The following FBXW7 variants were observed in gnomAD, a reference collection of about 807,000 sequenced individuals.
FBXW7 encodes F-box and WD repeat domain containing 7.
A neutral mutation model predicts 86.3 loss-of-function variants in FBXW7; 11 were observed. The ratio of observed to expected loss-of-function variants is 0.13; its 90% CI spans 0.08 to 0.21. The LOEUF (loss-of-function observed/expected upper bound fraction) is 0.21, where lower values mean the gene tolerates loss of function less well. FBXW7 is among the 10% of genes least tolerant of loss of function. FBXW7 has a pLI of 1.00. For synonymous variants in FBXW7, 313 were observed against 297.9 expected (o/e 1.05, Z -0.52); for missense variants, 488 against 847.4 (o/e 0.58, Z 5.27).
chr4:152,329,625 T>C, intron 10 of FBXW7, 47 bp downstream of exon 10: 2 of 934,496 alleles, frequency 2.1e-6, no homozygotes, highest in Non-Finnish European at 3.2e-6. Context: ...CTTGCAATGA[T>C]ATACACAAAA....
intron 4 of FBXW7, among the ~76,000 whole-genome samples, chr4:152,378,959 T>C (rs1165308337): frequency 6.6e-6 from 1 of 152,102 alleles, no homozygotes; most frequent in Non-Finnish European, 1.5e-5. Flanking sequence ...TAAGCCAAGA[T>C]GGCGCCACTA....
intron 2 of FBXW7, among the ~76,000 whole-genome samples, chr4:152,471,798 G>A (rs1364030888): frequency 6.6e-6 from 1 of 151,956 alleles, no homozygotes; most frequent in Admixed American, 6.6e-5. Flanking sequence ...TACTCAGAAG[G>A]CTGAAGCAGG....
chr4:152,458,314 C>A (rs535959449), intron 2 of FBXW7, among the ~76,000 whole-genome samples: 1 of 152,182 alleles, frequency 6.6e-6, no homozygotes, highest in Admixed American at 6.5e-5. Context: ...CCACCGCGCC[C>A]GGCCTAAAAT....
intron 2 of FBXW7, among the ~76,000 whole-genome samples, chr4:152,482,056 T>A (rs777187099): frequency 5.9e-4 from 90 of 152,178 alleles, no homozygotes; most frequent in Non-Finnish European, 1.2e-3. Context: ...AAATATTTCA[T>A]CAAAGAATAA....
chr4:152,487,256 T>A (rs1160067719), intron 2 of FBXW7, among the ~76,000 whole-genome samples: 1 of 152,080 alleles, frequency 6.6e-6, no homozygotes, highest in African/African-American at 2.4e-5. Context: ...CTCAAGGCAT[T>A]ACCCCACAGA....
chr4:152,397,447 C>T (rs1295337581), intron 4 of FBXW7, among the ~76,000 whole-genome samples: 2 of 151,752 alleles, frequency 1.3e-5, no homozygotes, highest in Admixed American at 6.6e-5. Context: ...CAGAGTCTCA[C>T]TCTGTCACCG....
intron 2 of FBXW7, among the ~76,000 whole-genome samples, chr4:152,491,844 C>A (rs1745888590): frequency 6.6e-6 from 1 of 152,186 alleles, no homozygotes; most frequent in South Asian, 2.1e-4. Flanking sequence ...ACACCTCCCA[C>A]TCCCTGTCAC....
At chr4:152,407,684 G>A (rs747139823) in intron 4 of FBXW7, among the ~76,000 whole-genome samples, 1 of 152,010 alleles carries the variant, frequency 6.6e-6, no homozygotes, top group South Asian at 2.1e-4. Flanking sequence ...AGGGTCTTAC[G>A]CCTCTAAACT....
At chr4:152,324,627 C>T in intron 12 of FBXW7, 1 of 438,978 alleles carries the variant, frequency 2.3e-6, no homozygotes, top group Non-Finnish European at 4.1e-6. Context: ...CAAGCAGCTT[C>T]AAACTAGATG....
chr4:152,423,421 T>C (rs1315935103), intron 2 of FBXW7, among the ~76,000 whole-genome samples: 2 of 152,202 alleles, frequency 1.3e-5, no homozygotes, highest in African/African-American at 4.8e-5. Context: ...TTTTTATTGA[T>C]AATTTTAAAA....
At chr4:152,361,740 C>CCAAG (rs1188838378) in intron 4 of FBXW7, among the ~76,000 whole-genome samples, 9 of 152,030 alleles carry the variant, frequency 5.9e-5, no homozygotes, top group African/African-American at 2.2e-4. Context: ...TTTTGGGAGA[C>CCAAG]CAAGGCTGGT....
chr4:152,377,696 A>G (rs528027731), intron 4 of FBXW7, among the ~76,000 whole-genome samples: 11 of 150,718 alleles, frequency 7.3e-5, no homozygotes, highest in Admixed American at 4.0e-4. Context: ...ACCTGGAAGG[A>G]GAAGGTTGCA....
At chr4:152,444,537 CCA>C (rs929535594) in intron 2 of FBXW7, among the ~76,000 whole-genome samples, 33 of 152,146 alleles carry the variant, frequency 2.2e-4, no homozygotes, top group African/African-American at 6.7e-4. Flanking sequence ...AAAATGAGTA[CCA>C]CAAAAGAACC....
At chr4:152,393,361 TTAAAA>T (rs1473001367) in intron 4 of FBXW7, among the ~76,000 whole-genome samples, 3 of 152,146 alleles carry the variant, frequency 2.0e-5, no homozygotes, top group Non-Finnish European at 4.4e-5. Context: ...AAAAATATAA[TTAAAA>T]TAAAATGTAA....
chr4:152,376,058 A>C (rs1480282400), intron 4 of FBXW7, among the ~76,000 whole-genome samples: 1 of 152,146 alleles, frequency 6.6e-6, no homozygotes, highest in Admixed American at 6.6e-5. Context: ...TTGTTTAAAA[A>C]ATTATATGCT....
intron 4 of FBXW7, among the ~76,000 whole-genome samples, chr4:152,387,677 T>C (rs1268144629): frequency 6.8e-6 from 1 of 148,040 alleles, no homozygotes; most frequent in Non-Finnish European, 1.5e-5. Context: ...TACAATTAGA[T>C]TGGGCATCAA....
At chr4:152,481,608 G>A (rs1177128164) in intron 2 of FBXW7, among the ~76,000 whole-genome samples, 1 of 152,112 alleles carries the variant, frequency 6.6e-6, no homozygotes, top group African/African-American at 2.4e-5. Context: ...CAATCTGGAC[G>A]CCTTCAAAAA....
At chr4:152,509,739 T>C (rs1163822469) in intron 2 of FBXW7, among the ~76,000 whole-genome samples, 1 of 152,194 alleles carries the variant, frequency 6.6e-6, no homozygotes, top group Non-Finnish European at 1.5e-5. Context: ...TATATACAAT[T>C]GTGAAACAAT....
intron 2 of FBXW7, among the ~76,000 whole-genome samples, chr4:152,466,465 G>C (rs984456833): frequency 6.6e-6 from 1 of 151,330 alleles, no homozygotes; most frequent in Non-Finnish European, 1.5e-5. Flanking sequence ...TCAGGCATGA[G>C]AATCACTTGA....
Sources: allele counts gnomAD v4.1 joint callset (sites outside exome capture counted in the v4.1 genomes callset), GRCh38; gene constraint gnomAD v4.1.1; transcripts MANE v1.5; gene names NCBI Gene and HGNC (gene_info 2026-07-23, HGNC 2026-07-21).